UNC13C: variants seen among roughly 807,000 people sequenced by gnomAD.
UNC13C encodes protein unc-13 homolog C.
In UNC13C, 174 loss-of-function variants were observed where a neutral mutation model predicts 245.4. The ratio of observed to expected loss-of-function variants is 0.71; its 90% CI spans 0.63 to 0.80. The LOEUF (loss-of-function observed/expected upper bound fraction) is 0.80, where lower values mean the gene tolerates loss of function less well. Among genes scored for constraint, UNC13C ranks in the 30% least tolerant of loss-of-function variants. The pLI is 0.00. For missense variants in UNC13C, 2,829 were observed against 2,602.9 expected (o/e 1.09, Z -1.89); for synonymous variants, 992 against 895.1 (o/e 1.11, Z -1.93).
chr15:54,048,226 C>T (rs1340223559), intron 2 of UNC13C, among the ~76,000 whole-genome samples: 2 of 152,104 alleles, frequency 1.3e-5, no homozygotes, highest in Admixed American at 6.6e-5. Flanking sequence ...GATGATTGTT[C>T]TCCTTCTTTT....
intron 24 of UNC13C, among the ~76,000 whole-genome samples, chr15:54,520,913 G>T (rs1895189911): frequency 6.6e-6 from 1 of 152,056 alleles, no homozygotes; most frequent in Non-Finnish European, 1.5e-5. Context: ...GAAGGATATT[G>T]GCTAGATGTC....
At chr15:54,504,000 A>G (rs1313540469) in intron 22 of UNC13C, among the ~76,000 whole-genome samples, 1 of 152,206 alleles carries the variant, frequency 6.6e-6, no homozygotes, top group Non-Finnish European at 1.5e-5. Flanking sequence ...TAAACAGGAT[A>G]TAAGACTAAA....
rs199664778 is a variant in UNC13C, at chr15:54,012,980, T to G, written c.77T>G (p.Leu26Trp). The change falls in exon 2 of 33, where the codon TTG (leucine) becomes TGG (tryptophan). Residue 26 changes from leucine (L) to tryptophan (W), a missense_variant. By Grantham distance (61) the Leu-to-Trp change is moderately conservative. Coordinates refer to ENST00000260323, the MANE Select transcript of UNC13C (RefSeq NM_001080534.3). ...TGCAAAGGAATGTTTACAAAGAAAT[T>G]GGGAAATACAAACAAAAACAAAGAG... ...KLCKGMFTKK[L>W]GNTNKNKEYR... 6.2e-7 allele frequency: 1 copy of G among 1,613,798 alleles called. No homozygotes were observed. The highest frequency in any genetic ancestry group is 8.5e-7 in the Non-Finnish European group (1 of 1,179,800).
In UNC13C at chr15:54,245,684, G is replaced by C. The variant is rs191996610; in HGVS notation, c.3229-4541G>C. ...AAGATCATATTATACCTAATGTTTGGTCTGCAAAAATTCTGATGTTTTTGT... is the reference window on the plus strand; with the variant it reads ...AAGATCATATTATACCTAATGTTTGCTCTGCAAAAATTCTGATGTTTTTGT... On this transcript the variant is annotated intron_variant, in intron 7 of 32. Coordinates refer to ENST00000260323, the MANE Select transcript of UNC13C (RefSeq NM_001080534.3). Among the ~76,000 whole-genome samples the C allele has an allele frequency of 1.1e-3, 167 of 152,136 alleles. 2 individuals are homozygous for C. Among genetic ancestry groups the C allele is most frequent in the Admixed American group, 2.5e-3 (38 of 15,276 alleles).
At chr15:53,976,510 C>T (rs966248965), upstream of UNC13C, among the ~76,000 whole-genome samples, 9 of 70,076 alleles carry the variant, frequency 1.3e-4, no homozygotes, top group South Asian at 4.6e-4. Flanking sequence ...CTTGCTCTGT[C>T]GCCCAGGCTG....
At chr15:54,258,201 G>A (rs7170994) in intron 8 of UNC13C, among the ~76,000 whole-genome samples, 85,185 of 151,374 alleles carry the variant, frequency 0.56, 25,612 homozygotes, top group African/African-American at 0.78. Context: ...GTTTTTTTAA[G>A]CTCAAATTTC....
At chr15:54,415,147 G>A in intron 19 of UNC13C, 80 bp downstream of exon 19, 1 of 1,015,694 alleles carries the variant, frequency 9.8e-7, no homozygotes, top group Non-Finnish European at 1.4e-6. Flanking sequence ...TAAATGTTGA[G>A]AATTGAAACA....
chr15:54,427,619 G>T (rs1303970480), intron 19 of UNC13C, among the ~76,000 whole-genome samples: 1 of 151,744 alleles, frequency 6.6e-6, no homozygotes, highest in East Asian at 1.9e-4. Flanking sequence ...TTACATATTT[G>T]CTTTTCACAC....
intron 7 of UNC13C, among the ~76,000 whole-genome samples, chr15:54,244,088 T>G (rs537532808): frequency 6.6e-6 from 1 of 152,340 alleles, no homozygotes; most frequent in South Asian, 2.1e-4. Flanking sequence ...CTAGATTTTC[T>G]TCTAGAGTGT....
chr15:54,164,694 C>T (rs562708547), intron 4 of UNC13C, among the ~76,000 whole-genome samples: 2 of 152,244 alleles, frequency 1.3e-5, no homozygotes, highest in African/African-American at 4.8e-5. Context: ...ATTTGCAGCT[C>T]AGTGTCAAAT....
At chr15:53,970,693 G>A in the UNC13C span, among the ~76,000 whole-genome samples, 1 of 152,112 alleles carries the variant, frequency 6.6e-6, no homozygotes, top group South Asian at 2.1e-4. Flanking sequence ...GATGCAGAGG[G>A]AGGGAGAGCA....
intron 17 of UNC13C, among the ~76,000 whole-genome samples, chr15:54,387,645 A>C (rs2039867071): frequency 6.6e-6 from 1 of 152,186 alleles, no homozygotes; most frequent in South Asian, 2.1e-4. Flanking sequence ...TCTATAGCTA[A>C]GATTTCCTTA....
At chr15:54,062,825 T>C (rs1191528884) in intron 2 of UNC13C, among the ~76,000 whole-genome samples, 3 of 152,242 alleles carry the variant, frequency 2.0e-5, no homozygotes, top group East Asian at 3.8e-4. Flanking sequence ...CATGTAATAA[T>C]TGACCGCTGC....
intron 18 of UNC13C, among the ~76,000 whole-genome samples, chr15:54,413,657 T>C (rs1162087282): frequency 1.3e-5 from 2 of 152,166 alleles, no homozygotes; most frequent in Non-Finnish European, 2.9e-5. Context: ...ATTGATAAAA[T>C]TGGCAGTCAG....
chr15:54,621,377 T>C (rs1001545108), intron 30 of UNC13C, among the ~76,000 whole-genome samples: 1 of 152,172 alleles, frequency 6.6e-6, no homozygotes, highest in African/African-American at 2.4e-5. Context: ...TCATTATAGT[T>C]TATAATAGCA....
At chr15:54,360,929 C>T (rs111962404) in intron 17 of UNC13C, among the ~76,000 whole-genome samples, 7 of 152,158 alleles carry the variant, frequency 4.6e-5, no homozygotes, top group African/African-American at 1.4e-4. Flanking sequence ...TTATTATTTG[C>T]CTTGGGAAAT....
At chr15:53,999,850 A>G (rs1379603794) in intron 1 of UNC13C, among the ~76,000 whole-genome samples, 1 of 151,988 alleles carries the variant, frequency 6.6e-6, no homozygotes, top group Non-Finnish European at 1.5e-5. Context: ...TGGAGTGTTT[A>G]TAGATATTTC....
rs756408447 is a variant in UNC13C, at chr15:54,469,131, G to A, written c.4934-25477G>A. 5.9e-4 allele frequency among the ~76,000 whole-genome samples: 90 copies of A among 151,390 alleles called. 1 individual carries two copies. Among genetic ancestry groups the A allele is most frequent in the Non-Finnish European group, 2.2e-4 (15 of 67,532 alleles). On this transcript the variant is annotated intron_variant, in intron 19 of 32. Transcript: ENST00000260323. ...TTTTATCAATGTTTTAGAGATTTCA[G>A]TATACAGATCTTTCACCTCCTTAAC...
chr15:54,241,027 G>C (rs1198271930), intron 7 of UNC13C, among the ~76,000 whole-genome samples: 1 of 152,122 alleles, frequency 6.6e-6, no homozygotes, highest in Admixed American at 6.5e-5. Flanking sequence ...AGTGGGAGGG[G>C]GATTGAGATA....
Sources: allele counts gnomAD v4.1 joint callset (sites outside exome capture counted in the v4.1 genomes callset), GRCh38; gene constraint gnomAD v4.1.1; transcripts MANE v1.5; gene names NCBI Gene and HGNC (gene_info 2026-07-23, HGNC 2026-07-21).